Variants in DIAPH3 observed in about 807,000 individuals in gnomAD.
DIAPH3 encodes protein diaphanous homolog 3.
A neutral mutation model predicts 144.3 loss-of-function variants in DIAPH3; 117 were observed. The ratio of observed to expected loss-of-function variants is 0.81; its 90% CI spans 0.70 to 0.95. The LOEUF is 0.95. Among genes scored for constraint, DIAPH3 ranks in the 40% least tolerant of loss-of-function variants. The probability of loss-of-function intolerance (pLI) is 0.00; values close to 1 mark genes in which losing one functional copy is unlikely to be tolerated. For synonymous variants in DIAPH3, 519 were observed against 488.9 expected, an observed-to-expected ratio of 1.06 and a Z score of -0.81; for missense variants, 1,421 against 1,412.7, an observed-to-expected ratio of 1.01 and a Z score of -0.09.
At chr13:60,054,485 G>T (rs369872724) in intron 4 of DIAPH3, among the ~76,000 whole-genome samples, 1 of 151,844 alleles carries the variant, frequency 6.6e-6, no homozygotes, top group East Asian at 1.9e-4. Context: ...TATGCCTGTA[G>T]GTTTCTATTT....
At chr13:60,129,307 A>T (rs1420535934) in intron 2 of DIAPH3, among the ~76,000 whole-genome samples, 1 of 152,184 alleles carries the variant, frequency 6.6e-6, no homozygotes, top group African/African-American at 2.4e-5. Context: ...GTTATAAGCT[A>T]AACATTTATT....
intron 25 of DIAPH3, among the ~76,000 whole-genome samples, chr13:59,786,756 T>C (rs2039051440): frequency 6.6e-6 from 1 of 152,112 alleles, no homozygotes; most frequent in Non-Finnish European, 1.5e-5. Flanking sequence ...TCTGTGTGTA[T>C]GTGTTTAGGG....
At chr13:59,928,717 T>C (rs1003047792) in intron 17 of DIAPH3, among the ~76,000 whole-genome samples, 3 of 152,154 alleles carry the variant, frequency 2.0e-5, no homozygotes, top group Admixed American at 2.0e-4. Context: ...ATGACTTTCA[T>C]AGTGATGAAG....
At chr13:60,132,157 C>T (rs1040439890) in intron 2 of DIAPH3, among the ~76,000 whole-genome samples, 1 of 152,110 alleles carries the variant, frequency 6.6e-6, no homozygotes, top group Admixed American at 6.5e-5. Flanking sequence ...TCAAGATCTA[C>T]GTTTCATTCG....
intron 4 of DIAPH3, among the ~76,000 whole-genome samples, chr13:60,066,329 A>T (rs888172329): frequency 2.6e-5 from 4 of 152,204 alleles, no homozygotes; most frequent in African/African-American, 9.6e-5. Flanking sequence ...TTACATCACA[A>T]ATTACAGAAT....
chr13:59,907,904 A>G (rs1011906788), intron 20 of DIAPH3, among the ~76,000 whole-genome samples: 21 of 152,232 alleles, frequency 1.4e-4, no homozygotes, highest in Admixed American at 1.4e-3. Flanking sequence ...TGAACATGAA[A>G]GTCTATATTA....
chr13:59,793,980 G>T (rs967052006), intron 25 of DIAPH3, among the ~76,000 whole-genome samples: 3 of 152,104 alleles, frequency 2.0e-5, no homozygotes, highest in African/African-American at 7.2e-5. Context: ...TTACAATCAA[G>T]CAAAGCAATA....
At chr13:60,064,127 G>A (rs1024155571) in intron 4 of DIAPH3, among the ~76,000 whole-genome samples, 13 of 152,140 alleles carry the variant, frequency 8.5e-5, no homozygotes, top group African/African-American at 3.1e-4. Flanking sequence ...TCCATTTCTG[G>A]AGTGCAGGCA....
intron 1 of DIAPH3, chr13:60,147,188 G>A (rs1436228686): frequency 6.6e-6 from 1 of 152,170 alleles, no homozygotes; most frequent in Non-Finnish European, 1.5e-5. Context: ...GAAAAAAAAT[G>A]CTGCCAAGAA....
intron 2 of DIAPH3, among the ~76,000 whole-genome samples, chr13:60,115,685 A>G (rs903665671): frequency 1.3e-5 from 2 of 152,148 alleles, no homozygotes; most frequent in Non-Finnish European, 2.9e-5. Flanking sequence ...AACTTTTTTT[A>G]TAATAGATTT....
chr13:59,842,139 C>T (rs959397311), intron 22 of DIAPH3, among the ~76,000 whole-genome samples: 6 of 152,030 alleles, frequency 3.9e-5, no homozygotes, highest in Non-Finnish European at 7.4e-5. Flanking sequence ...CCTGCCTAAA[C>T]CCAGGGAATA....
intron 23 of DIAPH3, 95 bp downstream of exon 23, chr13:59,839,229 A>G: frequency 1.3e-6 from 2 of 1,508,180 alleles, no homozygotes; most frequent in South Asian, 1.2e-5. Context: ...GGCACTACAG[A>G]ATGATCTCTG....
At position 59,777,249 on chromosome 13, in the gene DIAPH3, C is replaced by T. The variant is rs141944718; in HGVS notation, c.3164-2426G>A. Among the ~76,000 whole-genome samples the T allele has an allele frequency of 4.5e-4, 68 of 152,240 alleles. 1 individual carries two copies. The highest frequency in any genetic ancestry group is 1.6e-3 in the African/African-American group (65 of 41,550). Reference sequence around the variant, plus strand: ...AAAAGACAAAGAAGCCAGATTGAAACATTGCCTTGGCCAAATTTAGGACAA... The same window carrying T: ...AAAAGACAAAGAAGCCAGATTGAAATATTGCCTTGGCCAAATTTAGGACAA... On this transcript the variant is annotated intron_variant, in intron 25 of 27. Transcript: ENST00000400324.
At chr13:60,153,593 A>C (rs897530268) in intron 1 of DIAPH3, 21 of 152,150 alleles carry the variant, frequency 1.4e-4, no homozygotes, top group Admixed American at 5.2e-4. Context: ...CAAAATATAC[A>C]CATATTTTTC....
chr13:60,102,408 A>G (rs1378727245), intron 3 of DIAPH3, among the ~76,000 whole-genome samples: 2 of 152,224 alleles, frequency 1.3e-5, no homozygotes, highest in African/African-American at 4.8e-5. Flanking sequence ...TTCACCGTGC[A>G]TGGAACATAA....
rs1307684038 is a variant in DIAPH3 at position 59,971,115 on chromosome 13, T to C, written c.1696A>G (p.Lys566Glu). ...GCTGAGTGGCCAGTTCCACCTTCTT[T>C]AGAGGGAGGCAAAGGAATATTACAA... ...ADCNIPLPPS[K>E]EGGTGHSALP... The change falls in exon 16 of 28, where the codon AAA becomes GAA. Residue 566 changes from lysine to glutamate, a missense_variant. Physicochemically the swap from Lys to Glu is moderately conservative, Grantham distance 56 (BLOSUM62 1). Coordinates refer to ENST00000400324, the MANE Select transcript of DIAPH3 (RefSeq NM_001042517.2). The C allele has an allele frequency of 1.9e-6, 3 of 1,605,482 alleles. No homozygotes were observed. The highest frequency in any genetic ancestry group is 1.7e-5 in the Admixed American group (1 of 58,104).
intron 25 of DIAPH3, among the ~76,000 whole-genome samples, chr13:59,790,309 T>C (rs572051409): frequency 1.3e-5 from 2 of 152,298 alleles, no homozygotes; most frequent in South Asian, 2.1e-4. Flanking sequence ...GAAGATATGT[T>C]TTATTTGTAC....
At chr13:59,900,186 A>G (rs1302932976) in intron 20 of DIAPH3, among the ~76,000 whole-genome samples, 3 of 152,198 alleles carry the variant, frequency 2.0e-5, no homozygotes, top group Non-Finnish European at 4.4e-5. Flanking sequence ...CCTTGATTAA[A>G]TGAGAGTTAT....
At position 59,919,597 on chromosome 13, in the gene DIAPH3, C is replaced by T. The variant is rs191812515; in HGVS notation, c.2171-3348G>A. On this transcript the variant is annotated intron_variant, in intron 18 of 27. Coordinates refer to ENST00000400324, the MANE Select transcript of DIAPH3 (RefSeq NM_001042517.2). ...GAAATCAAGGAGAGATAGAGTTTCC[C>T]AGACAAACAGAAGCTAAGGAAGTTC... Among the ~76,000 whole-genome samples, 171 of 152,048 alleles carry T rather than the reference C, an allele frequency of 1.1e-3. 1 individual carries two copies. Among genetic ancestry groups the T allele is most frequent in the African/African-American group, 4.0e-3 (165 of 41,466 alleles).
Sources: gnomAD v4.1 joint callset for allele counts (sites outside exome capture counted in the v4.1 genomes callset) on GRCh38, gnomAD v4.1.1 for gene constraint, MANE v1.5 for transcripts, NCBI Gene and HGNC (gene_info 2026-07-23, HGNC 2026-07-21) for gene names.